Variants in TMPRSS9 observed in about 807,000 individuals in gnomAD.
TMPRSS9 encodes transmembrane protease serine 9.
A neutral mutation model predicts 111.4 loss-of-function variants in TMPRSS9; 113 were observed. That is an observed-to-expected ratio of 1.01 (90% CI 0.87 to 1.19). The LOEUF (loss-of-function observed/expected upper bound fraction) is 1.19, where lower values mean the gene tolerates loss of function less well. TMPRSS9 is among the 50% of genes most tolerant of loss of function. The pLI is 0.00. For missense variants in TMPRSS9, 1,803 were observed against 1,513.1 expected (o/e 1.19, Z -3.18); for synonymous variants, 805 against 659.1 (o/e 1.22, Z -3.39).
chr19:2,395,865 ACG>A lies in TMPRSS9; in HGVS notation c.143-671_143-670del, dbSNP rs1970695374. Among the ~76,000 whole-genome samples, 2 of 150,778 alleles carry A rather than the reference ACG, an allele frequency of 1.3e-5. 1 individual carries two copies. Among genetic ancestry groups the A allele is most frequent in the Non-Finnish European group, 3.0e-5 (2 of 67,676 alleles). On this transcript the variant is annotated intron_variant, in intron 1 of 17. Coordinates refer to ENST00000648592, the Ensembl canonical transcript of TMPRSS9. The stretch of plus-strand genomic sequence containing the variant: ...TACTAAAAATACAAAAAAATTAGCC[ACG>A]CGTGGTCGTGGGTGCCTGTAGTCCC...
At chr19:2,420,647 A>G (rs1319822077) in intron 13 of TMPRSS9, among the ~76,000 whole-genome samples, 1 of 152,180 alleles carries the variant, frequency 6.6e-6, no homozygotes, top group Non-Finnish European at 1.5e-5. Context: ...ATCCTGCTTC[A>G]ACTACTGTGT....
At chr19:2,374,880 A>T (rs1970319612) in intron 1 of TMPRSS9, among the ~76,000 whole-genome samples, 1 of 152,054 alleles carries the variant, frequency 6.6e-6, no homozygotes, top group Non-Finnish European at 1.5e-5. Flanking sequence ...TTTAGGGACC[A>T]TCCCTGTAGA....
chr19:2,415,841 A>G, exon 11 of TMPRSS9: 1 of 1,580,302 alleles, frequency 6.3e-7, no homozygotes, highest in Non-Finnish European at 8.6e-7. Flanking sequence ...TGCTTCAACC[A>G]GTAAGGCCCG....
chr19:2,395,286 G>A (rs1477605030), intron 1 of TMPRSS9, among the ~76,000 whole-genome samples: 1 of 151,992 alleles, frequency 6.6e-6, no homozygotes, highest in Non-Finnish European at 1.5e-5. Flanking sequence ...CAGGTGTGGT[G>A]GTCCACGCCT....
intron 1 of TMPRSS9, among the ~76,000 whole-genome samples, chr19:2,391,166 G>A (rs1161243081): frequency 1.4e-5 from 2 of 142,236 alleles, no homozygotes. Flanking sequence ...GAGCCCAGGA[G>A]GAGGCAGAGA....
chr19:2,384,012 C>T (rs1195765518), intron 1 of TMPRSS9, among the ~76,000 whole-genome samples: 1 of 152,082 alleles, frequency 6.6e-6, no homozygotes, highest in African/African-American at 2.4e-5. Flanking sequence ...CTTATCTGCC[C>T]ACCGAGGCCT....
chr19:2,405,396 G>A lies in TMPRSS9; in HGVS notation c.693G>A (p.Trp231Ter). 6.2e-7 allele frequency: 1 copy of A among 1,604,282 alleles called. No homozygotes were observed. Among genetic ancestry groups the A allele is most frequent in the Non-Finnish European group, 8.5e-7 (1 of 1,176,990 alleles). Residue 231 changes from tryptophan (W) to a stop codon, truncating the protein, a stop_gained, in exon 7 of 18, where the codon TGG (tryptophan) becomes TGA (stop). Coordinates refer to ENST00000648592, the Ensembl canonical transcript of TMPRSS9. LOFTEE classifies it high-confidence loss of function. ...CAGAGTGTGGCTTGCAGCCTGCCTG[G>A]AGGATGGCCGGCAGGATCGTGGGCG...
upstream of TMPRSS9, among the ~76,000 whole-genome samples, chr19:2,386,463 C>G (rs1375387785): frequency 1.3e-5 from 2 of 150,872 alleles, no homozygotes; most frequent in East Asian, 4.0e-4. Flanking sequence ...CGAGATCGCG[C>G]CACTGGACTC....
At chr19:2,373,789 A>G (rs1445293639) in intron 1 of TMPRSS9, among the ~76,000 whole-genome samples, 2 of 152,250 alleles carry the variant, frequency 1.3e-5, no homozygotes, top group African/African-American at 4.8e-5. Context: ...CATGAGCCAC[A>G]GTGCCCGGCC....
intron 2 of TMPRSS9, among the ~76,000 whole-genome samples, chr19:2,397,400 C>A (rs1044702327): frequency 1.3e-5 from 2 of 152,014 alleles, no homozygotes; most frequent in African/African-American, 4.8e-5. Flanking sequence ...AAGCGATTCT[C>A]CTGTCTCAGC....
At chr19:2,421,695 C>G (rs1218963784) in intron 13 of TMPRSS9, among the ~76,000 whole-genome samples, 159 bp from the exon 15 acceptor site, 1 of 152,190 alleles carries the variant, frequency 6.6e-6, no homozygotes, top group African/African-American at 2.4e-5. Context: ...GGTCACACAG[C>G]CAGGCATGGG....
chr19:2,382,563 T>C (rs941012685), intron 1 of TMPRSS9, among the ~76,000 whole-genome samples: 2 of 151,840 alleles, frequency 1.3e-5, no homozygotes, highest in African/African-American at 2.4e-5. Flanking sequence ...CACAGACATA[T>C]ACGCACAGAT....
intron 1 of TMPRSS9, among the ~76,000 whole-genome samples, chr19:2,391,036 G>GAAA: frequency 1.6e-5 from 1 of 62,744 alleles, no homozygotes; most frequent in African/African-American, 5.9e-5. Context: ...AGAAAGAAAG[G>GAAA]GAGGGAGGGA....
chr19:2,411,392 T>G lies in TMPRSS9; in HGVS notation c.1254+998T>G, dbSNP rs561035353. The stretch of plus-strand genomic sequence containing the variant: ...CTGTATACCTGGAACCTTCTTTTTC[T>G]TCTTCTTCTTTTTTTTTTTTTTTGA... On this transcript the variant is annotated intron_variant, in intron 9 of 17. Transcript: ENST00000648592. 3.7e-4 allele frequency among the ~76,000 whole-genome samples: 49 copies of G among 131,308 alleles called. 1 individual carries two copies. In the South Asian group the frequency reaches 8.6e-3, roughly 23 times the overall value. The allele number at this position is 131,308 out of a possible 152,430, so 86.1% of individuals were successfully genotyped here.
At chr19:2,401,069 T>C (rs1218969290) in intron 4 of TMPRSS9, among the ~76,000 whole-genome samples, 1 of 148,368 alleles carries the variant, frequency 6.7e-6, no homozygotes, top group African/African-American at 2.5e-5. Flanking sequence ...GGTCAGGAGA[T>C]CGAGACCATC....
chr19:2,399,061 C>G, exon 4 of TMPRSS9: 1 of 1,613,428 alleles, frequency 6.2e-7, no homozygotes, highest in Non-Finnish European at 8.5e-7. Flanking sequence ...GCTGCACTTT[C>G]TGCTGCGACC....
rs977227694 is a variant in TMPRSS9 at position 2,396,420 on chromosome 19, G to A, written c.143-119G>A. The A allele has an allele frequency of 1.5e-5, 19 of 1,244,042 alleles. No homozygotes were observed. In the African/African-American group the frequency reaches 1.7e-4, roughly 11 times the overall value. 77.1% of individuals were successfully genotyped at this position (1,244,042 alleles called of 1,614,324 possible). A position where few individuals can be genotyped will look rare whatever the true frequency, so the allele number is the denominator to read the frequency against. Reference sequence around the variant, plus strand: ...ACGGGGGCGTCGACCACCCCACTGCGTGTCAGGAGTGACCACCAGGGTGTG... The same window carrying A: ...ACGGGGGCGTCGACCACCCCACTGCATGTCAGGAGTGACCACCAGGGTGTG... On this transcript the variant is annotated intron_variant, in intron 1 of 17. Coordinates refer to ENST00000648592, the Ensembl canonical transcript of TMPRSS9.
At chr19:2,418,038 G>C (rs139081247) in exon 13 of TMPRSS9, 2 of 1,612,152 alleles carry the variant, frequency 1.2e-6, no homozygotes, top group African/African-American at 2.7e-5. Flanking sequence ...GCGTCCGTGG[G>C]CATCATAGAC....
chr19:2,374,714 C>A (rs1847891412), intron 1 of TMPRSS9, among the ~76,000 whole-genome samples: 1 of 152,050 alleles, frequency 6.6e-6, no homozygotes, highest in Admixed American at 6.6e-5. Context: ...AGGAAGGTTT[C>A]TCCTCTGACC....
Sources: gnomAD v4.1 joint callset for allele counts (sites outside exome capture counted in the v4.1 genomes callset) on GRCh38, gnomAD v4.1.1 for gene constraint, MANE v1.5 for transcripts, NCBI Gene and HGNC (gene_info 2026-07-23, HGNC 2026-07-21) for gene names.